Variants in CLYBL observed in about 807,000 individuals in gnomAD.
CLYBL encodes citramalyl-CoA lyase, mitochondrial.
A neutral mutation model predicts 38.9 loss-of-function variants in CLYBL; 31 were observed. That is an observed-to-expected ratio of 0.80 (90% CI 0.60 to 1.08). The LOEUF is 1.08. Ranked by LOEUF, CLYBL falls within the 50% of genes least tolerant of loss-of-function variation. CLYBL has a pLI of 0.00. For missense variants in CLYBL, 434 were observed against 411.6 expected (o/e 1.05, Z -0.47); for synonymous variants, 171 against 158.6 (o/e 1.08, Z -0.59).
intron 1 of CLYBL, among the ~76,000 whole-genome samples, chr13:99,622,560 C>G (rs2046813498): frequency 6.6e-6 from 1 of 152,136 alleles, no homozygotes. Flanking sequence ...TATGGGTGCC[C>G]CTCCAGGCAA....
intron 1 of CLYBL, among the ~76,000 whole-genome samples, chr13:99,630,526 A>T (rs140233344): frequency 1.3e-5 from 2 of 152,316 alleles, no homozygotes; most frequent in East Asian, 3.9e-4. Flanking sequence ...TGCCTATTTC[A>T]CAAGTTTTGA....
chr13:99,856,657 G>C (rs1428823682), intron 2 of CLYBL, among the ~76,000 whole-genome samples: 2 of 152,056 alleles, frequency 1.3e-5, no homozygotes, highest in Admixed American at 6.5e-5. Flanking sequence ...TTTCGCTTTT[G>C]AGATGGAGTC....
intron 1 of CLYBL, among the ~76,000 whole-genome samples, chr13:99,648,944 A>T (rs947823479): frequency 3.3e-5 from 5 of 149,774 alleles, no homozygotes; most frequent in African/African-American, 5.1e-5. Flanking sequence ...CATTTAACCC[A>T]TCCCCAAAAT....
At chr13:99,617,932 A>G (rs981295024) in intron 1 of CLYBL, among the ~76,000 whole-genome samples, 2 of 152,112 alleles carry the variant, frequency 1.3e-5, no homozygotes, top group African/African-American at 4.8e-5. Flanking sequence ...CCTGTACAAC[A>G]TAGCCTCCAC....
chr13:99,694,762 C>T lies in CLYBL; in HGVS notation c.63-78062C>T, dbSNP rs534906210. On this transcript the variant is annotated intron_variant, in intron 1 of 8. Transcript: ENST00000339105. ...ACACGTTTTAAGAGTTGCTGTCTTG[C>T]GCATGTGCCCTGGACATCGGTGCTT... Among the ~76,000 whole-genome samples the T allele has an allele frequency of 9.5e-4, 144 of 152,306 alleles. 1 individual carries two copies. Among genetic ancestry groups the T allele is most frequent in the African/African-American group, 3.3e-3 (137 of 41,556 alleles).
At chr13:99,840,233 G>C (rs2051037970) in intron 2 of CLYBL, among the ~76,000 whole-genome samples, 1 of 114,898 alleles carries the variant, frequency 8.7e-6, no homozygotes, top group Admixed American at 9.7e-5. Context: ...CTCCTCCTGA[G>C]CCCTTACTCT....
chr13:99,806,108 TCTTATA>T (rs1489386230), intron 2 of CLYBL, among the ~76,000 whole-genome samples: 1 of 152,218 alleles, frequency 6.6e-6, no homozygotes, highest in African/African-American at 2.4e-5. Flanking sequence ...ACTTTTTTCC[TCTTATA>T]CTTATTTCTT....
intron 1 of CLYBL, among the ~76,000 whole-genome samples, chr13:99,660,883 C>G (rs541326416): frequency 6.6e-6 from 1 of 152,086 alleles, no homozygotes; most frequent in Non-Finnish European, 1.5e-5. Flanking sequence ...GAAGTCACAT[C>G]TAGAATGCTT....
chr13:99,657,817 A>G (rs920599310), intron 1 of CLYBL, among the ~76,000 whole-genome samples: 4 of 152,224 alleles, frequency 2.6e-5, no homozygotes, highest in African/African-American at 9.7e-5. Context: ...TTTGTTATTG[A>G]GTGAATTAAG....
chr13:99,770,789 T>G (rs939656853), intron 1 of CLYBL, among the ~76,000 whole-genome samples: 2 of 150,944 alleles, frequency 1.3e-5, no homozygotes, highest in African/African-American at 4.9e-5. Flanking sequence ...TGGTGCGATC[T>G]CCGCTCACTG....
At chr13:99,834,062 G>C (rs2050881424) in intron 2 of CLYBL, among the ~76,000 whole-genome samples, 3 of 152,004 alleles carry the variant, frequency 2.0e-5, no homozygotes, top group Non-Finnish European at 2.9e-5. Flanking sequence ...AAGTGGGAGG[G>C]ATAACTGGCG....
chr13:99,629,426 G>C (rs1240586303), intron 1 of CLYBL, among the ~76,000 whole-genome samples: 2 of 152,140 alleles, frequency 1.3e-5, no homozygotes, highest in African/African-American at 2.4e-5. Context: ...CAGGTTACCT[G>C]ATTGCCCCTG....
chr13:99,648,317 T>C (rs1358730092), intron 1 of CLYBL, among the ~76,000 whole-genome samples: 1 of 152,222 alleles, frequency 6.6e-6, no homozygotes, highest in African/African-American at 2.4e-5. Flanking sequence ...CCATGGACTA[T>C]TCAGAAGGCT....
At chr13:99,872,758 C>T (rs1214775110) in intron 7 of CLYBL, among the ~76,000 whole-genome samples, 2 of 152,130 alleles carry the variant, frequency 1.3e-5, no homozygotes, top group Non-Finnish European at 2.9e-5. Context: ...GGAGAGTTTA[C>T]CCTGAATTTC....
intron 2 of CLYBL, among the ~76,000 whole-genome samples, chr13:99,800,672 G>A (rs1195273974): frequency 6.6e-6 from 1 of 152,040 alleles, no homozygotes; most frequent in Non-Finnish European, 1.5e-5. Context: ...TCAGGAGTTC[G>A]AGGCAAGCCT....
chr13:99,877,571 CTTTTTTT>C (rs561372911), intron 7 of CLYBL: 262 of 214,704 alleles, frequency 1.2e-3, no homozygotes, highest in Admixed American at 3.3e-3. Flanking sequence ...TTTTGTAATT[CTTTTTTT>C]TTTTTTTTTT....
chr13:99,663,292 A>G (rs2047435523), intron 1 of CLYBL, among the ~76,000 whole-genome samples: 1 of 152,178 alleles, frequency 6.6e-6, no homozygotes, highest in Non-Finnish European at 1.5e-5. Context: ...GGTATAAATA[A>G]TGTTTTCCAG....
At chr13:99,716,787 CTTTTTTTTTTTTTT>C (rs1260332084) in intron 1 of CLYBL, among the ~76,000 whole-genome samples, 2 of 100,918 alleles carry the variant, frequency 2.0e-5, no homozygotes, top group Non-Finnish European at 4.1e-5. Flanking sequence ...CTTTTCTTTT[CTTTTTTTTTTTTTT>C]TTTTTTTGAG....
chr13:99,732,849 G>C (rs1030079969), intron 1 of CLYBL, among the ~76,000 whole-genome samples: 2 of 152,180 alleles, frequency 1.3e-5, no homozygotes, highest in African/African-American at 4.8e-5. Context: ...TGAAACTTCT[G>C]TGTCAGTGTT....
Sources: gnomAD v4.1 joint callset for allele counts (sites outside exome capture counted in the v4.1 genomes callset) on GRCh38, gnomAD v4.1.1 for gene constraint, MANE v1.5 for transcripts, NCBI Gene and HGNC (gene_info 2026-07-23, HGNC 2026-07-21) for gene names.